The following STK10 variants were observed in gnomAD, a reference collection of about 807,000 sequenced individuals.
STK10 encodes serine/threonine-protein kinase 10.
Under a neutral mutation model 113.8 loss-of-function variants are expected in STK10, and 78 were observed. That is an observed-to-expected ratio of 0.69 (90% CI 0.57 to 0.83). The LOEUF (loss-of-function observed/expected upper bound fraction) is 0.83, where lower values mean the gene tolerates loss of function less well. Ranked by LOEUF, STK10 falls within the 40% of genes least tolerant of loss-of-function variation. The pLI is 0.00. For synonymous variants in STK10, 465 were observed against 494.7 expected (o/e 0.94, Z 0.80); for missense variants, 1,109 against 1,280.1 (o/e 0.87, Z 2.04).
chr5:172,164,318 G>A (rs1253116097), intron 1 of STK10, among the ~76,000 whole-genome samples: 5 of 151,238 alleles, frequency 3.3e-5, no homozygotes, highest in Non-Finnish European at 7.4e-5. Flanking sequence ...AGCTCTCCTT[G>A]ACTTCTAGCC....
In STK10 at chr5:172,052,916, C is replaced by T. The variant is rs548846105; in HGVS notation, c.2766+13G>A. ...GAGCCCGAGACTGAGCCCACCAGCT[C>T]GGATAAAGTTACCTTCTTGCGCGGC... On this transcript the variant is annotated intron_variant, in intron 18 of 18. Coordinates refer to ENST00000176763, the MANE Select transcript of STK10 (RefSeq NM_005990.4). 69 of 1,613,312 alleles carry T rather than the reference C, an allele frequency of 4.3e-5. 1 individual carries two copies. Among genetic ancestry groups the T allele is most frequent in the Middle Eastern group, 3.6e-4 (2 of 5,572 alleles).
intron 18 of STK10, among the ~76,000 whole-genome samples, chr5:172,051,539 C>A (rs925492351): frequency 2.6e-5 from 4 of 152,142 alleles, no homozygotes; most frequent in African/African-American, 7.2e-5. Context: ...GCAGGAAAAT[C>A]ATTTGAACCC....
chr5:172,074,397 T>C (rs973731882), intron 12 of STK10, among the ~76,000 whole-genome samples: 1 of 152,176 alleles, frequency 6.6e-6, no homozygotes, highest in Non-Finnish European at 1.5e-5. Flanking sequence ...CAAGTATATG[T>C]GGTCAACTAA....
intron 7 of STK10, 63 bp downstream of exon 7, chr5:172,105,593 G>C: frequency 6.4e-7 from 1 of 1,557,434 alleles, no homozygotes; most frequent in Non-Finnish European, 8.8e-7. Flanking sequence ...CAGCGTCCAG[G>C]TCACTGGTGA....
intron 2 of STK10, among the ~76,000 whole-genome samples, chr5:172,130,059 G>C (rs1234322140): frequency 1.3e-5 from 2 of 152,094 alleles, no homozygotes; most frequent in Non-Finnish European, 2.9e-5. Context: ...CCATTCTATT[G>C]AATCCTTCCA....
At chr5:172,047,540 G>C (rs1767516459) in intron 18 of STK10, among the ~76,000 whole-genome samples, 1 of 152,096 alleles carries the variant, frequency 6.6e-6, no homozygotes, top group Admixed American at 6.5e-5. Flanking sequence ...GATGAGCGTG[G>C]GCCTAACAGG....
chr5:172,150,117 G>C (rs1397705363), intron 2 of STK10, among the ~76,000 whole-genome samples: 1 of 151,452 alleles, frequency 6.6e-6, no homozygotes, highest in East Asian at 1.9e-4. Flanking sequence ...TAGAGTTATG[G>C]ATTAGGAAAC....
At position 172,064,793 on chromosome 5, in the gene STK10, T is replaced by TTCTCCACC. The variant is rs1181997595; in HGVS notation, c.2001_2008dup (p.Lys670ArgfsTer14). 6.2e-7 allele frequency: 1 copy of TTCTCCACC among 1,613,596 alleles called. No homozygotes were observed. Among genetic ancestry groups the TTCTCCACC allele is most frequent in the Non-Finnish European group, 8.5e-7 (1 of 1,179,876 alleles). ...TTCCTTCCGCTGCTGTCGGGGGAGC[T>TTCTCCACC]TCTCCACCTCGTTCTTCACCTGCAG... On this transcript the variant is annotated frameshift_variant, in exon 13 of 19. Coordinates refer to ENST00000176763, the MANE Select transcript of STK10 (RefSeq NM_005990.4). LOFTEE classifies it high-confidence loss of function.
At chr5:172,048,594 T>C (rs1767551160) in intron 18 of STK10, among the ~76,000 whole-genome samples, 1 of 151,880 alleles carries the variant, frequency 6.6e-6, no homozygotes, top group African/African-American at 2.4e-5. Context: ...AATGGACAAA[T>C]TCCCCCAACC....
At chr5:172,053,906 G>A (rs1561788253) in intron 17 of STK10, among the ~76,000 whole-genome samples, 2 of 152,240 alleles carry the variant, frequency 1.3e-5, no homozygotes, top group Non-Finnish European at 2.9e-5. Context: ...ATCACCCGAG[G>A]CAGGGATAGG....
In STK10 at chr5:172,054,653, C is replaced by T. The variant is rs148904335; in HGVS notation, c.2568G>A (p.Leu856=). The stretch of plus-strand genomic sequence containing the variant: ...GGTTCTCGTGTTTCTGCTGTTGCTG[C>T]AGCCGCTCCGACTTCTGCCTCTTCT... ...QEEKRQKSER[L]QQQQKHENQM... The change falls in exon 17 of 19, where the codon CTG becomes CTA. Residue 856 remains leucine, a synonymous_variant. Coordinates refer to ENST00000176763, the MANE Select transcript of STK10 (RefSeq NM_005990.4). The T allele has an allele frequency of 1.7e-3, 2,764 of 1,611,098 alleles. 58 individuals are homozygous for T. In the South Asian group the frequency reaches 0.024, roughly 14 times the overall value.
At chr5:172,130,338 C>T (rs569345131) in intron 2 of STK10, among the ~76,000 whole-genome samples, 54 of 152,212 alleles carry the variant, frequency 3.5e-4, no homozygotes, top group Admixed American at 5.2e-4. Flanking sequence ...CGAGACCAGC[C>T]TGGCCAAAAT....
At chr5:172,184,203 C>A (rs1770913107) in intron 1 of STK10, among the ~76,000 whole-genome samples, 2 of 152,148 alleles carry the variant, frequency 1.3e-5, no homozygotes, top group Admixed American at 6.6e-5. Context: ...TGGGTTACTT[C>A]AGTAACCAGG....
chr5:172,065,397 G>A (rs1419889594), intron 12 of STK10, among the ~76,000 whole-genome samples: 1 of 143,946 alleles, frequency 6.9e-6, no homozygotes, highest in Admixed American at 7.4e-5. Context: ...GCTAATTTTT[G>A]TATTTTTAGT....
At chr5:172,129,715 C>T (rs777925646) in intron 2 of STK10, among the ~76,000 whole-genome samples, 7 of 151,980 alleles carry the variant, frequency 4.6e-5, no homozygotes, top group Admixed American at 6.6e-5. Context: ...CTCAGCTCCA[C>T]GAAAGAGGAA....
intron 1 of STK10, among the ~76,000 whole-genome samples, chr5:172,177,241 C>A (rs144074695): frequency 1.3e-5 from 2 of 152,080 alleles, no homozygotes; most frequent in East Asian, 1.9e-4. Flanking sequence ...GAGGTCACAG[C>A]GAGAAGGCAC....
At chr5:172,104,205 C>G (rs574729000) in intron 7 of STK10, among the ~76,000 whole-genome samples, 1 of 152,226 alleles carries the variant, frequency 6.6e-6, no homozygotes, top group Admixed American at 6.5e-5. Context: ...GGAGCCGACA[C>G]GGCAGTGAAA....
At chr5:172,068,884 C>CAAAAAAAA (rs57550509) in intron 12 of STK10, among the ~76,000 whole-genome samples, 64 of 126,432 alleles carry the variant, frequency 5.1e-4, no homozygotes, top group African/African-American at 2.0e-3. Flanking sequence ...GACTCTGCCT[C>CAAAAAAAA]AAAAAAAAAA....
intron 4 of STK10, among the ~76,000 whole-genome samples, chr5:172,110,806 C>A (rs1769221650): frequency 6.6e-6 from 1 of 152,128 alleles, no homozygotes; most frequent in African/African-American, 2.4e-5. Context: ...AAACGCAAAG[C>A]ACTGTGATGC....
Sources: gnomAD v4.1 joint callset for allele counts (sites outside exome capture counted in the v4.1 genomes callset) on GRCh38, gnomAD v4.1.1 for gene constraint, MANE v1.5 for transcripts, NCBI Gene and HGNC (gene_info 2026-07-23, HGNC 2026-07-21) for gene names.